The following LRRC52 variants were observed in gnomAD, a reference collection of about 807,000 sequenced individuals.
LRRC52 encodes leucine-rich repeat-containing protein 52.
LRRC52 carries 15 observed loss-of-function variants against 14.7 expected under a neutral mutation model. The observed-to-expected ratio is 1.02, with a 90% CI of 0.68 to 1.58. The LOEUF is 1.58. LRRC52 is among the 40% of genes most tolerant of loss of function. LRRC52 has a pLI of 0.00. For synonymous variants in LRRC52, 180 were observed against 163.9 expected (o/e 1.10, Z -0.75); for missense variants, 400 against 387.7 (o/e 1.03, Z -0.27).
rs1050053795 is a variant in LRRC52, at chr1:165,544,334, T to C, written c.38T>C (p.Leu13Pro). ...TCAGGCCCTGGCCCTGGGTGGTTAC[T>C]CTTTTCCTTTGGAATGGGGCTGGTA... is the stretch of plus-strand genomic sequence containing the variant. The part of the protein sequence containing the change: ...LASGPGPGWL[L>P]FSFGMGLVSG... Residue 13 changes from leucine to proline, a missense_variant, in exon 1 of 2, where the codon CTC becomes CCC. Coordinates refer to ENST00000294818, the MANE Select transcript of LRRC52 (RefSeq NM_001005214.4). 1.2e-6 allele frequency: 2 copies of C among 1,613,776 alleles called. No individual in the cohort carries two copies.
chr1:165,552,420 G>T (rs943234313), intron 1 of LRRC52, among the ~76,000 whole-genome samples: 1 of 152,194 alleles, frequency 6.6e-6, no homozygotes, highest in African/African-American at 2.4e-5. Context: ...CTAGAGAAAA[G>T]AATGGGGGCC....
In LRRC52 at chr1:165,563,838, C is replaced by T. The variant is rs6676948; in HGVS notation, c.*14C>T. 0.098 allele frequency: 157,228 copies of T among 1,609,700 alleles called. 8,581 individuals carry two copies. Among genetic ancestry groups the T allele is most frequent in the Non-Finnish European group, 0.11 (132,710 of 1,177,276 alleles). On this transcript the variant is annotated 3_prime_UTR_variant, in exon 2 of 2. Transcript: ENST00000294818. ...CAGCTTATTTAGTTGCCAGAGACCACTATCTTATGTGCCTCCCCCAGGCTC... is the reference window on the plus strand; with the variant it reads ...CAGCTTATTTAGTTGCCAGAGACCATTATCTTATGTGCCTCCCCCAGGCTC...
Position 165,560,952 on chromosome 1 carries a change from C to T in LRRC52, c.623-2553C>T, listed in dbSNP as rs542752632. 1.1e-4 allele frequency among the ~76,000 whole-genome samples: 16 copies of T among 151,862 alleles called. 1 individual carries two copies. In the South Asian group the frequency reaches 1.2e-3, roughly 12 times the overall value. Reference sequence around the variant, plus strand: ...GGACTGTTTTGAGCCAGAGTGTGACCGAGAAGAGCTGTACTTGGGGAAGGC... The same window carrying T: ...GGACTGTTTTGAGCCAGAGTGTGACTGAGAAGAGCTGTACTTGGGGAAGGC... On this transcript the variant is annotated intron_variant, in intron 1 of 1. Coordinates refer to ENST00000294818, the MANE Select transcript of LRRC52 (RefSeq NM_001005214.4).
In LRRC52 at chr1:165,544,708, C is replaced by T. The variant is rs373088117; in HGVS notation, c.412C>T (p.Leu138=). ...GCTGAACATTGCCAACAACCCTCAC[C>T]TGTTATCGCTTCACAAGTTCACCTT... The part of the protein sequence containing the change: ...VQLNIANNPH[L]LSLHKFTFAN... Residue 138 remains leucine (L), a synonymous_variant, in exon 1 of 2, where the codon CTG becomes TTG. Coordinates refer to ENST00000294818, the MANE Select transcript of LRRC52 (RefSeq NM_001005214.4). The T allele has an allele frequency of 8.7e-6, 14 of 1,613,988 alleles. No individual in the cohort carries two copies. The African/African-American group carries it at 1.7e-4, about 20-fold the overall frequency.
At chr1:165,550,234 C>T (rs559922372) in intron 1 of LRRC52, among the ~76,000 whole-genome samples, 27 of 152,232 alleles carry the variant, frequency 1.8e-4, no homozygotes, top group African/African-American at 6.0e-4. Context: ...AGGAGGCTCT[C>T]GAAAACTCAC....
intron 1 of LRRC52, among the ~76,000 whole-genome samples, chr1:165,553,459 T>C (rs1661175565): frequency 6.6e-6 from 1 of 152,200 alleles, no homozygotes; most frequent in African/African-American, 2.4e-5. Flanking sequence ...GTAAACCATG[T>C]AAACTACTCT....
chr1:165,553,668 A>C (rs1180740953), intron 1 of LRRC52, among the ~76,000 whole-genome samples: 1 of 152,192 alleles, frequency 6.6e-6, no homozygotes, highest in African/African-American at 2.4e-5. Flanking sequence ...AGAGGACAGA[A>C]ATGGATGGAT....
intron 1 of LRRC52, among the ~76,000 whole-genome samples, chr1:165,556,723 A>G (rs2101830977): frequency 6.6e-6 from 1 of 152,344 alleles, no homozygotes; most frequent in East Asian, 1.9e-4. Context: ...CAGCTGGGCA[A>G]TGAGTAAGTG....
At chr1:165,555,883 T>A (rs997533916) in intron 1 of LRRC52, among the ~76,000 whole-genome samples, 51 of 152,240 alleles carry the variant, frequency 3.3e-4, no homozygotes, top group African/African-American at 1.2e-3. Flanking sequence ...TCTGGATTTT[T>A]CTGAGCAGAT....
chr1:165,562,715 G>A (rs889681593), intron 1 of LRRC52, among the ~76,000 whole-genome samples: 1 of 151,390 alleles, frequency 6.6e-6, no homozygotes, highest in Admixed American at 6.6e-5. Context: ...GAAGGCCATG[G>A]CGCTACATAT....
chr1:165,556,990 T>G (rs575195751), intron 1 of LRRC52, among the ~76,000 whole-genome samples: 4 of 152,172 alleles, frequency 2.6e-5, no homozygotes, highest in African/African-American at 9.7e-5. Context: ...CATCAGAGTT[T>G]TAAAAGTGCT....
intron 1 of LRRC52, among the ~76,000 whole-genome samples, chr1:165,559,839 A>T (rs1661307563): frequency 6.6e-6 from 1 of 152,252 alleles, no homozygotes; most frequent in South Asian, 2.1e-4. Context: ...TTTAAGAAAG[A>T]TTTATACAAA....
At chr1:165,547,475 C>T (rs1661046530) in intron 1 of LRRC52, among the ~76,000 whole-genome samples, 3 of 152,094 alleles carry the variant, frequency 2.0e-5, no homozygotes, top group Admixed American at 2.0e-4. Flanking sequence ...ACCCAGGTTT[C>T]ACCCCAGTCT....
rs562978203 is a variant in LRRC52, at chr1:165,547,268, C to T, written c.622+2350C>T. Among the ~76,000 whole-genome samples, 4 of 152,294 alleles carry T rather than the reference C, an allele frequency of 2.6e-5. No homozygotes were observed. The East Asian group carries it at 7.7e-4, about 29-fold the overall frequency. On this transcript the variant is annotated intron_variant, in intron 1 of 1. Transcript: ENST00000294818. ...TACTATCTCGTAAATCCTCAAATTACATAACTATCATCCTGTAAGTGAGTT... is the reference window on the plus strand; with the variant it reads ...TACTATCTCGTAAATCCTCAAATTATATAACTATCATCCTGTAAGTGAGTT...
At chr1:165,554,864 A>G (rs1247737022) in intron 1 of LRRC52, among the ~76,000 whole-genome samples, 3 of 152,258 alleles carry the variant, frequency 2.0e-5, no homozygotes, top group Non-Finnish European at 2.9e-5. Flanking sequence ...AAACCCTTGT[A>G]ATTTTCAATG....
At chr1:165,557,462 G>A (rs147828962) in intron 1 of LRRC52, among the ~76,000 whole-genome samples, 1 of 152,272 alleles carries the variant, frequency 6.6e-6, no homozygotes, top group East Asian at 1.9e-4. Flanking sequence ...TGAGCCCAAG[G>A]GGTTTGAATA....
intron 1 of LRRC52, among the ~76,000 whole-genome samples, chr1:165,545,978 CT>C (rs1393041317): frequency 6.6e-6 from 1 of 152,130 alleles, no homozygotes; most frequent in Non-Finnish European, 1.5e-5. Flanking sequence ...CATAAAACTC[CT>C]GCTGAAACTT....
intron 1 of LRRC52, among the ~76,000 whole-genome samples, chr1:165,552,440 A>G (rs1193641553): frequency 6.6e-6 from 1 of 152,174 alleles, no homozygotes; most frequent in Non-Finnish European, 1.5e-5. Flanking sequence ...CCAGCTAGGA[A>G]GGGCCTTGAA....
intron 1 of LRRC52, among the ~76,000 whole-genome samples, chr1:165,549,914 T>C (rs1016089251): frequency 6.6e-6 from 1 of 152,016 alleles, no homozygotes. Flanking sequence ...ACTCACCAGA[T>C]GTACTGAAAA....
Sources: allele counts gnomAD v4.1 joint callset (sites outside exome capture counted in the v4.1 genomes callset), GRCh38; gene constraint gnomAD v4.1.1; transcripts MANE v1.5; gene names NCBI Gene and HGNC (gene_info 2026-07-23, HGNC 2026-07-21).